PARM1: variants seen among roughly 807,000 people sequenced by gnomAD.
The protein encoded by PARM1 is WSC4, cell wall integrity and stress response component 4 homolog.
A neutral mutation model predicts 24.6 loss-of-function variants in PARM1; 14 were observed. That is an observed-to-expected ratio of 0.57 (90% confidence interval 0.38 to 0.89). The LOEUF is 0.89. Ranked by LOEUF, PARM1 falls within the 40% of genes least tolerant of loss-of-function variation. PARM1 has a pLI of 0.00. For missense variants in PARM1, 362 were observed against 380.4 expected, an observed-to-expected ratio of 0.95 and a Z score of 0.40; for synonymous variants, 179 against 156.6, an observed-to-expected ratio of 1.14 and a Z score of -1.07.
intron 1 of PARM1, among the ~76,000 whole-genome samples, chr4:75,008,072 T>C (rs1036876591): frequency 6.6e-6 from 1 of 152,244 alleles, no homozygotes; most frequent in African/African-American, 2.4e-5. Context: ...ACGATCATCA[T>C]GGTGCCTTAG....
intron 2 of PARM1, among the ~76,000 whole-genome samples, chr4:75,028,514 G>A (rs555208020): frequency 2.0e-4 from 30 of 152,284 alleles, no homozygotes; most frequent in Non-Finnish European, 2.9e-4. Context: ...AAAGAAAAGC[G>A]CAAGAATATT....
intron 1 of PARM1, among the ~76,000 whole-genome samples, chr4:75,001,435 C>A (rs1722678582): frequency 6.6e-6 from 1 of 152,098 alleles, no homozygotes; most frequent in South Asian, 2.1e-4. Context: ...TGTGTAAAGT[C>A]ATAATGTTCC....
At chr4:74,953,378 A>T (rs1304526358) in intron 1 of PARM1, among the ~76,000 whole-genome samples, 1 of 152,230 alleles carries the variant, frequency 6.6e-6, no homozygotes. Flanking sequence ...TAAAGCTCTG[A>T]TGCTGCAAAC....
At chr4:74,946,856 AG>A (rs1284396418) in intron 1 of PARM1, among the ~76,000 whole-genome samples, 1 of 152,256 alleles carries the variant, frequency 6.6e-6, no homozygotes, top group Non-Finnish European at 1.5e-5. Context: ...AATGCTAATA[AG>A]CAACACATTA....
Position 75,038,853 on chromosome 4 carries a change from G to A in PARM1, c.848+4892G>A, listed in dbSNP as rs117944162. 2.7e-4 allele frequency among the ~76,000 whole-genome samples: 41 copies of A among 152,312 alleles called. 2 individuals are homozygous for A. In the South Asian group the frequency reaches 4.1e-3, roughly 15 times the overall value. ...ACATAATCTCCCTGCACAGGAGACC[G>A]TATCTGCTAAGACCAGTGATGTGGA... On this transcript the variant is annotated intron_variant, in intron 3 of 3. Transcript: ENST00000307428.
intron 3 of PARM1, 25 bp downstream of exon 3, chr4:75,033,986 A>C (rs762559015): frequency 1.3e-6 from 2 of 1,562,248 alleles, no homozygotes; most frequent in African/African-American, 1.4e-5. Flanking sequence ...ACTCTTAAAA[A>C]AAAGGGATTC....
rs1251806350 is a variant in PARM1 at position 75,033,893 on chromosome 4, C to T, written c.780C>T (p.Ala260=). ...VEHALSSGSI[A]AITVTVIAVV... Reference sequence around the variant, plus strand: ...CTTCCTCCTTCACAGGCAGCATCGCCGCCATTACCGTGACAGTCATTGCCG... The same window carrying T: ...CTTCCTCCTTCACAGGCAGCATCGCTGCCATTACCGTGACAGTCATTGCCG... The change falls in exon 3 of 4, where the codon GCC becomes GCT. Residue 260 remains alanine, a synonymous_variant. Coordinates refer to ENST00000307428, the MANE Select transcript of PARM1 (RefSeq NM_015393.4). The T allele has an allele frequency of 8.8e-6, 14 of 1,599,964 alleles. No homozygotes were observed. Among genetic ancestry groups the T allele is most frequent in the African/African-American group, 1.3e-5 (1 of 74,666 alleles).
At chr4:75,030,367 A>G (rs1723252006) in intron 2 of PARM1, among the ~76,000 whole-genome samples, 1 of 152,226 alleles carries the variant, frequency 6.6e-6, no homozygotes, top group Non-Finnish European at 1.5e-5. Flanking sequence ...AAGAGAATTA[A>G]ATAAGATGAT....
chr4:74,963,684 C>T (rs1721831371), intron 1 of PARM1, among the ~76,000 whole-genome samples: 1 of 152,092 alleles, frequency 6.6e-6, no homozygotes, highest in African/African-American at 2.4e-5. Context: ...CTTAATGGTA[C>T]AGAGTTTCTG....
chr4:74,965,322 G>A (rs1362614794), intron 1 of PARM1: 7 of 152,162 alleles, frequency 4.6e-5, no homozygotes, highest in Non-Finnish European at 1.0e-4. Context: ...CTAGATGATG[G>A]CATGCAGATG....
chr4:75,028,808 T>C (rs1000350461), intron 2 of PARM1, among the ~76,000 whole-genome samples: 2 of 152,264 alleles, frequency 1.3e-5, no homozygotes, highest in African/African-American at 4.8e-5. Context: ...TCAGAGGTTG[T>C]TTGGGTTCAT....
At chr4:74,968,804 TC>T (rs1459713795) in intron 1 of PARM1, among the ~76,000 whole-genome samples, 2 of 152,220 alleles carry the variant, frequency 1.3e-5, no homozygotes, top group South Asian at 2.1e-4. Flanking sequence ...TGATGAAACT[TC>T]CTTGAACAGA....
At position 75,019,503 on chromosome 4, in the gene PARM1, T is replaced by A. The variant is rs188014071; in HGVS notation, c.769+6353T>A. On this transcript the variant is annotated intron_variant, in intron 2 of 3. Transcript: ENST00000307428. The stretch of plus-strand genomic sequence containing the variant: ...TTGGTGAAGACCATTGAACATTAAA[T>A]TGCTGATCTGAACCCTAGTATTTAT... Among the ~76,000 whole-genome samples, 156 of 152,318 alleles carry A rather than the reference T, an allele frequency of 1.0e-3. No individual in the cohort carries two copies. The Middle Eastern group carries it at 0.017, about 17-fold the overall frequency.
At chr4:74,943,273 G>C (rs187199791) in intron 1 of PARM1, among the ~76,000 whole-genome samples, 3 of 152,234 alleles carry the variant, frequency 2.0e-5, no homozygotes, top group Admixed American at 1.3e-4. Context: ...GGAGGACAGA[G>C]ATTTTGTTCC....
chr4:75,000,571 G>C (rs981424461), intron 1 of PARM1, among the ~76,000 whole-genome samples: 1 of 152,174 alleles, frequency 6.6e-6, no homozygotes, highest in African/African-American at 2.4e-5. Context: ...TAGTCACCAA[G>C]AGAGTTCCCT....
chr4:75,030,698 T>C lies in PARM1; in HGVS notation c.770-3185T>C, dbSNP rs907064460. Among the ~76,000 whole-genome samples the C allele has an allele frequency of 7.9e-5, 12 of 152,308 alleles. No homozygotes were observed. In the East Asian group the frequency reaches 1.4e-3, roughly 17 times the overall value. On this transcript the variant is annotated intron_variant, in intron 2 of 3. Transcript: ENST00000307428. The stretch of plus-strand genomic sequence containing the variant: ...AATTTCTGCCCATTCCAGGGCTTTA[T>C]AACATGAGTCACACCCAGTCTCTAA...
intron 2 of PARM1, among the ~76,000 whole-genome samples, chr4:75,026,124 A>T (rs1164946729): frequency 1.3e-5 from 2 of 152,232 alleles, no homozygotes; most frequent in African/African-American, 2.4e-5. Flanking sequence ...GCATACTTTT[A>T]TGCAAGCTGT....
chr4:75,027,298 T>A (rs1269566762), intron 2 of PARM1, among the ~76,000 whole-genome samples: 1 of 152,004 alleles, frequency 6.6e-6, no homozygotes, highest in Non-Finnish European at 1.5e-5. Context: ...CACCACACTG[T>A]CCTGGCTTAA....
Position 75,009,160 on chromosome 4 carries a change from A to G in PARM1, c.44-3265A>G, listed in dbSNP as rs556072241. Among the ~76,000 whole-genome samples the G allele has an allele frequency of 3.3e-5, 5 of 152,326 alleles. No individual in the cohort carries two copies. The East Asian group carries it at 9.6e-4, about 29-fold the overall frequency. On this transcript the variant is annotated intron_variant, in intron 1 of 3. Coordinates refer to ENST00000307428, the MANE Select transcript of PARM1 (RefSeq NM_015393.4). ...GGAATAGCATGTGGCCTAAGTTGGG[A>G]GGTCTGTCCTCCTCTTTACCAGGAA...
Sources: allele counts gnomAD v4.1 joint callset (sites outside exome capture counted in the v4.1 genomes callset), GRCh38; gene constraint gnomAD v4.1.1; transcripts MANE v1.5; gene names NCBI Gene and HGNC (gene_info 2026-07-23, HGNC 2026-07-21).